NTSR1: variants seen among roughly 807,000 people sequenced by gnomAD.
NTSR1 encodes neurotensin receptor 1, also known as neurotensin receptor type 1.
In NTSR1, 29 loss-of-function variants were observed where a neutral mutation model predicts 31.2. The ratio of observed to expected loss-of-function variants is 0.93; its 90% CI spans 0.69 to 1.27. The LOEUF (loss-of-function observed/expected upper bound fraction) is 1.27, where lower values mean the gene tolerates loss of function less well. Among genes scored for constraint, NTSR1 ranks in the 50% most tolerant of loss-of-function variants. The probability of loss-of-function intolerance (pLI) is 0.00; values close to 1 mark genes in which losing one functional copy is unlikely to be tolerated. For missense variants in NTSR1, 697 were observed against 595.4 expected, an observed-to-expected ratio of 1.17 and a Z score of -1.78; for synonymous variants, 282 against 269.9, an observed-to-expected ratio of 1.04 and a Z score of -0.44.
rs111663643 is a variant in NTSR1 at position 62,742,589 on chromosome 20, C to T, written c.715-12096C>T. 6.7e-5 allele frequency among the ~76,000 whole-genome samples: 10 copies of T among 149,532 alleles called. 1 individual carries two copies. In the East Asian group the frequency reaches 1.6e-3, roughly 24 times the overall value. On this transcript the variant is annotated intron_variant, in intron 1 of 3. Coordinates refer to ENST00000370501, the MANE Select transcript of NTSR1 (RefSeq NM_002531.3). This position sits in a 1 kb window ranked among gnomAD's most constrained non-coding sequence, Gnocchi z 7.1. ...CACACTGGCAGTTCTTTATGCCTTC[C>T]GTCCTCTGCTCCCCAGACACCTGTT...
chr20:62,731,377 C>T (rs1568701504), intron 1 of NTSR1, among the ~76,000 whole-genome samples: 1 of 152,194 alleles, frequency 6.6e-6, no homozygotes, highest in Non-Finnish European at 1.5e-5. Context: ...AGCCACCACG[C>T]CCAGCCGTGT....
At chr20:62,731,539 G>A (rs1014079754) in intron 1 of NTSR1, among the ~76,000 whole-genome samples, 3 of 151,950 alleles carry the variant, frequency 2.0e-5, no homozygotes, top group African/African-American at 4.8e-5. Context: ...TTATTATCTT[G>A]TATTTTATAT....
chr20:62,750,038 G>A (rs1424037166), intron 1 of NTSR1, among the ~76,000 whole-genome samples: 5 of 152,336 alleles, frequency 3.3e-5, no homozygotes, highest in East Asian at 1.9e-4. Flanking sequence ...GCCAAGACAC[G>A]GAATCAACCC....
rs1341113915 is a variant in NTSR1 at position 62,711,148 on chromosome 20, G to C, written c.714+1227G>C. On this transcript the variant is annotated intron_variant, in intron 1 of 3. Coordinates refer to ENST00000370501, the MANE Select transcript of NTSR1 (RefSeq NM_002531.3). This position sits in a 1 kb window ranked among gnomAD's most constrained non-coding sequence, Gnocchi z 6.4. Reference sequence around the variant, plus strand: ...TGGCCACCACCCAGGTGGGCTGGGGGGTGGAGGAGGGTAGAACTGAGCTCC... The same window carrying C: ...TGGCCACCACCCAGGTGGGCTGGGGCGTGGAGGAGGGTAGAACTGAGCTCC... 6.6e-6 allele frequency among the ~76,000 whole-genome samples: 1 copy of C among 152,252 alleles called. No homozygotes were observed. The highest frequency in any genetic ancestry group is 2.4e-5 in the African/African-American group (1 of 41,562).
intron 1 of NTSR1, among the ~76,000 whole-genome samples, chr20:62,735,017 G>A (rs980835125): frequency 6.6e-6 from 1 of 152,220 alleles, no homozygotes; most frequent in South Asian, 2.1e-4. Flanking sequence ...GGGGTGCCGC[G>A]TGCGGGGTGC....
intron 1 of NTSR1, among the ~76,000 whole-genome samples, chr20:62,712,954 G>A (rs560014963): frequency 6.6e-6 from 1 of 152,352 alleles, no homozygotes; most frequent in African/African-American, 2.4e-5. Flanking sequence ...TATACTGAAC[G>A]TGTGCACACA....
At chr20:62,712,703 G>A (rs1724337137) in intron 1 of NTSR1, among the ~76,000 whole-genome samples, 1 of 152,194 alleles carries the variant, frequency 6.6e-6, no homozygotes, top group South Asian at 2.1e-4. Context: ...GGGTGCCCCT[G>A]GGTTCCCCTG....
rs141677002 is a variant in NTSR1 at position 62,722,535 on chromosome 20, A to G, written c.714+12614A>G. Reference sequence around the variant, plus strand: ...GTGTAGGCTTCTGAGGACCGTCACCATGCAGTCCCCCTCTCTAGCACCTGG... The same window carrying G: ...GTGTAGGCTTCTGAGGACCGTCACCGTGCAGTCCCCCTCTCTAGCACCTGG... On this transcript the variant is annotated intron_variant, in intron 1 of 3. Coordinates refer to ENST00000370501, the MANE Select transcript of NTSR1 (RefSeq NM_002531.3). Among the ~76,000 whole-genome samples, 3 of 152,300 alleles carry G rather than the reference A, an allele frequency of 2.0e-5. No individual in the cohort carries two copies. In the East Asian group the frequency reaches 5.8e-4, roughly 29 times the overall value.
chr20:62,731,974 G>A (rs1471543892), intron 1 of NTSR1, among the ~76,000 whole-genome samples: 2 of 152,180 alleles, frequency 1.3e-5, no homozygotes, highest in East Asian at 3.8e-4. Context: ...ACAAAAATTA[G>A]CCAGGTATGG....
chr20:62,720,564 A>G (rs1988813312), intron 1 of NTSR1, among the ~76,000 whole-genome samples: 1 of 151,840 alleles, frequency 6.6e-6, no homozygotes, highest in African/African-American at 2.4e-5. Context: ...GATTTTATTA[A>G]CATTATTGTT....
At position 62,711,502 on chromosome 20, in the gene NTSR1, C is replaced by T. The variant is rs1037319377; in HGVS notation, c.714+1581C>T. ...TTCAGAAGGTGGGCAGTGGAGGGGT[C>T]AGCGCTGTCACTGCCCACCCAGGAG... On this transcript the variant is annotated intron_variant, in intron 1 of 3. Coordinates refer to ENST00000370501, the MANE Select transcript of NTSR1 (RefSeq NM_002531.3). This position sits in a 1 kb window ranked among gnomAD's most constrained non-coding sequence, Gnocchi z 6.4. Among the ~76,000 whole-genome samples, 30 of 152,110 alleles carry T rather than the reference C, an allele frequency of 2.0e-4. No individual in the cohort carries two copies. Among genetic ancestry groups the T allele is most frequent in the African/African-American group, 7.0e-4 (29 of 41,472 alleles).
intron 1 of NTSR1, among the ~76,000 whole-genome samples, chr20:62,719,416 A>G (rs1299936908): frequency 4.9e-5 from 4 of 81,314 alleles, no homozygotes; most frequent in Non-Finnish European, 1.2e-4. Context: ...TGTGGCACTA[A>G]GTACACTGTC....
At position 62,758,647 on chromosome 20, in the gene NTSR1, G is replaced by A. The variant is rs1211795523; in HGVS notation, c.1007+291G>A. On this transcript the variant is annotated intron_variant, in intron 3 of 3. Transcript: ENST00000370501. This position sits in a 1 kb window ranked among gnomAD's most constrained non-coding sequence, Gnocchi z 4.5. ...GTGAAAGAGAGACATCCCTGGCTCT[G>A]CTGGGGACATGGTGGGGGTGTCACC... Among the ~76,000 whole-genome samples, 3 of 152,170 alleles carry A rather than the reference G, an allele frequency of 2.0e-5. No individual in the cohort carries two copies. The highest frequency in any genetic ancestry group is 7.2e-5 in the African/African-American group (3 of 41,426).
intron 1 of NTSR1, among the ~76,000 whole-genome samples, chr20:62,717,946 G>A (rs542620056): frequency 8.5e-5 from 13 of 152,140 alleles, no homozygotes; most frequent in Non-Finnish European, 1.6e-4. Context: ...GGGAGCGTGG[G>A]GGTGCAGGCA....
intron 1 of NTSR1, among the ~76,000 whole-genome samples, chr20:62,731,001 T>C (rs1428206272): frequency 1.3e-5 from 2 of 152,252 alleles, no homozygotes; most frequent in East Asian, 3.8e-4. Flanking sequence ...ATTTTGCAAA[T>C]ATTTTTTCCT....
intron 2 of NTSR1, among the ~76,000 whole-genome samples, chr20:62,756,968 T>C (rs1226707535): frequency 6.6e-6 from 1 of 152,256 alleles, no homozygotes; most frequent in Non-Finnish European, 1.5e-5. Context: ...TTAGGAGTTA[T>C]ACTCTCAAGG....
At chr20:62,738,079 C>CCTTTCCCTGCAGTCCCCA (rs1555811684) in intron 1 of NTSR1, among the ~76,000 whole-genome samples, 1 of 152,070 alleles carries the variant, frequency 6.6e-6, no homozygotes, top group East Asian at 1.9e-4. Flanking sequence ...CCTCCCCCTC[C>CCTTTCCCTGCAGTCCCCA]TCTGCCTATG....
intron 1 of NTSR1, among the ~76,000 whole-genome samples, chr20:62,751,746 G>A (rs543441112): frequency 1.3e-5 from 2 of 152,354 alleles, no homozygotes; most frequent in East Asian, 3.9e-4. Context: ...ACATGCCAGT[G>A]GGATGGAGGG....
Position 62,732,119 on chromosome 20 carries a change from CA to C in NTSR1, c.714+22214del, listed in dbSNP as rs11484429. Among the ~76,000 whole-genome samples, 49,213 of 145,136 alleles carry C rather than the reference CA, an allele frequency of 0.34. 8,221 individuals are homozygous for C. Among genetic ancestry groups the C allele is most frequent in the Middle Eastern group, 0.48 (131 of 274 alleles). On this transcript the variant is annotated intron_variant, in intron 1 of 3. Transcript: ENST00000370501. This position sits in a 1 kb window ranked among gnomAD's most constrained non-coding sequence, Gnocchi z 4.0. ...TGGGCGACAGAGTGAGACTCCATTT[CA>C]AAAAAAAAAAAAAAATTACACTGTA...
Sources: gnomAD v4.1 joint callset for allele counts (sites outside exome capture counted in the v4.1 genomes callset) on GRCh38, gnomAD v4.1.1 for gene constraint, Gnocchi (gnomAD v3.1) non-coding constraint, MANE v1.5 for transcripts, NCBI Gene and HGNC (gene_info 2026-07-23, HGNC 2026-07-21) for gene names.